The following EPHA7 variants were observed in gnomAD, a reference collection of about 807,000 sequenced individuals.
EPHA7 encodes the protein ephrin type-A receptor 7.
Under a neutral mutation model 112.6 loss-of-function variants are expected in EPHA7, and 25 were observed. The ratio of observed to expected loss-of-function variants is 0.22; its 90% CI spans 0.16 to 0.31. The LOEUF is 0.31. Ranked by LOEUF, EPHA7 falls within the 10% of genes least tolerant of loss-of-function variation. EPHA7 has a pLI of 1.00. For synonymous variants in EPHA7, 437 were observed against 406.5 expected (o/e 1.07, Z -0.90); for missense variants, 962 against 1,212.6 (o/e 0.79, Z 3.07).
intron 7 of EPHA7, among the ~76,000 whole-genome samples, chr6:93,265,692 A>C (rs1410328159): frequency 6.6e-6 from 1 of 151,720 alleles, no homozygotes; most frequent in Non-Finnish European, 1.5e-5. Context: ...AAATATCATA[A>C]AATACATAAT....
chr6:93,312,643 C>T (rs557565214), intron 5 of EPHA7, among the ~76,000 whole-genome samples: 2 of 152,268 alleles, frequency 1.3e-5, no homozygotes, highest in South Asian at 2.1e-4. Flanking sequence ...TAGCACTTTT[C>T]ATTTCTTTCA....
At chr6:93,350,672 T>A (rs183245324) in intron 5 of EPHA7, among the ~76,000 whole-genome samples, 1 of 152,164 alleles carries the variant, frequency 6.6e-6, no homozygotes, top group Admixed American at 6.6e-5. Flanking sequence ...TGATGGCAGA[T>A]TCTTTGAAGC....
intron 3 of EPHA7, among the ~76,000 whole-genome samples, chr6:93,390,047 TA>T (rs1777824171): frequency 6.6e-6 from 1 of 151,928 alleles, no homozygotes; most frequent in Admixed American, 6.6e-5. Flanking sequence ...ACAAAATCAC[TA>T]AACTTTAGCA....
At chr6:93,266,896 C>G (rs980246201) in intron 7 of EPHA7, among the ~76,000 whole-genome samples, 6 of 151,736 alleles carry the variant, frequency 4.0e-5, no homozygotes, top group Non-Finnish European at 7.4e-5. Flanking sequence ...TATGCTGACT[C>G]ACTGGTTCAC....
chr6:93,269,166 C>T (rs1336771228), intron 7 of EPHA7, among the ~76,000 whole-genome samples: 1 of 151,618 alleles, frequency 6.6e-6, no homozygotes, highest in African/African-American at 2.4e-5. Flanking sequence ...GTTTCGAGGT[C>T]GACAAACACA....
chr6:93,362,411 T>C (rs895428081), intron 3 of EPHA7, among the ~76,000 whole-genome samples: 3 of 152,096 alleles, frequency 2.0e-5, no homozygotes, highest in African/African-American at 4.8e-5. Flanking sequence ...ACAAAGTTGA[T>C]TTAAATAATA....
intron 3 of EPHA7, among the ~76,000 whole-genome samples, chr6:93,394,205 A>G (rs1778050119): frequency 1.3e-5 from 2 of 151,864 alleles, no homozygotes; most frequent in Admixed American, 6.6e-5. Flanking sequence ...CTACTTCAAA[A>G]ATAATGGCTT....
At chr6:93,317,824 A>T (rs1457167330) in intron 5 of EPHA7, among the ~76,000 whole-genome samples, 1 of 152,192 alleles carries the variant, frequency 6.6e-6, no homozygotes, top group East Asian at 1.9e-4. Context: ...CAGCTGGCTT[A>T]TGAACCCCTT....
At chr6:93,416,853 G>T (rs1476335511) in intron 1 of EPHA7, among the ~76,000 whole-genome samples, 1 of 152,050 alleles carries the variant, frequency 6.6e-6, no homozygotes. Flanking sequence ...GCGGGCAAAG[G>T]CTGGCGTCCC....
intron 5 of EPHA7, among the ~76,000 whole-genome samples, chr6:93,355,202 A>G (rs1226488784): frequency 2.6e-5 from 4 of 152,164 alleles, no homozygotes. Context: ...TTTTTGTCTA[A>G]TTATTAAAGA....
chr6:93,395,083 G>A (rs1778102521), intron 3 of EPHA7, among the ~76,000 whole-genome samples: 1 of 151,512 alleles, frequency 6.6e-6, no homozygotes, highest in African/African-American at 2.4e-5. Flanking sequence ...TGCATAATAT[G>A]CAATTTAAAA....
In EPHA7 at chr6:93,246,717, T is replaced by G. The variant is rs184793334; in HGVS notation, c.2726+75A>C. 8.9e-3 allele frequency: 10,997 copies of G among 1,242,192 alleles called. 65 individuals carry two copies. Among genetic ancestry groups the G allele is most frequent in the Non-Finnish European group, 0.01 (9,000 of 886,740 alleles). The allele number at this position is 1,242,192 out of a possible 1,614,324, so 76.9% of individuals were successfully genotyped here. On this transcript the variant is annotated intron_variant, in intron 15 of 16. Transcript: ENST00000369303. ...CACAAAAGTCAATTTGCCATTGTGG[T>G]GGGGTGGAGGAGATAAATGGTTTAT...
At chr6:93,336,590 A>T (rs1774885896) in intron 5 of EPHA7, among the ~76,000 whole-genome samples, 2 of 151,828 alleles carry the variant, frequency 1.3e-5, no homozygotes, top group African/African-American at 4.8e-5. Context: ...TTTAGTAGAG[A>T]CGGGGTTTCA....
At chr6:93,348,966 T>C (rs1189039294) in intron 5 of EPHA7, among the ~76,000 whole-genome samples, 2 of 151,800 alleles carry the variant, frequency 1.3e-5, no homozygotes, top group African/African-American at 2.4e-5. Flanking sequence ...ATGATACACT[T>C]AGTATAAGAC....
At chr6:93,403,537 G>A (rs1348143778) in intron 3 of EPHA7, among the ~76,000 whole-genome samples, 6 of 151,994 alleles carry the variant, frequency 3.9e-5, no homozygotes, top group Non-Finnish European at 8.8e-5. Context: ...TACTTGGGAG[G>A]TGGAGGCAGA....
Position 93,266,004 on chromosome 6 carries a change from A to T in EPHA7, c.1634-1302T>A, listed in dbSNP as rs549386845. 1.8e-4 allele frequency among the ~76,000 whole-genome samples: 27 copies of T among 151,828 alleles called. No homozygotes were observed. The South Asian group carries it at 1.9e-3, about 10-fold the overall frequency. On this transcript the variant is annotated intron_variant, in intron 7 of 16. Transcript: ENST00000369303. ...GAAAAATCGCTCTGGTCTAATAGATACTTTCTGAACAAAGAAGATTATACA... is the reference window on the plus strand; with the variant it reads ...GAAAAATCGCTCTGGTCTAATAGATTCTTTCTGAACAAAGAAGATTATACA...
intron 5 of EPHA7, among the ~76,000 whole-genome samples, chr6:93,283,650 G>A (rs1229226475): frequency 6.6e-6 from 1 of 151,998 alleles, no homozygotes; most frequent in Admixed American, 6.6e-5. Flanking sequence ...CGAAGCCAGC[G>A]AGACCAGGAG....
intron 3 of EPHA7, among the ~76,000 whole-genome samples, chr6:93,361,194 G>A (rs1340610013): frequency 6.6e-6 from 1 of 152,034 alleles, no homozygotes; most frequent in African/African-American, 2.4e-5. Flanking sequence ...GATCATAAAA[G>A]TCTTAACATT....
chr6:93,344,832 T>C (rs1775316067), intron 5 of EPHA7, among the ~76,000 whole-genome samples: 1 of 151,546 alleles, frequency 6.6e-6, no homozygotes, highest in Admixed American at 6.6e-5. Flanking sequence ...TTGGTCTTTG[T>C]CATGTGCTTC....
Sources: gnomAD v4.1 joint callset for allele counts (sites outside exome capture counted in the v4.1 genomes callset) on GRCh38, gnomAD v4.1.1 for gene constraint, MANE v1.5 for transcripts, NCBI Gene and HGNC (gene_info 2026-07-23, HGNC 2026-07-21) for gene names.